The following ARL10 variants were observed in gnomAD, a reference collection of about 807,000 sequenced individuals.
ARL10 encodes ARF like GTPase 10.
ARL10 carries 23 observed loss-of-function variants against 26.1 expected under a neutral mutation model. The ratio of observed to expected loss-of-function variants is 0.88; its 90% confidence interval spans 0.63 to 1.25. The LOEUF (loss-of-function observed/expected upper bound fraction) is 1.25. ARL10 is among the 50% of genes most tolerant of loss of function. ARL10 has a pLI of 0.00. For missense variants in ARL10, 300 were observed against 323.6 expected (o/e 0.93, Z 0.56); for synonymous variants, 138 against 149.1 (o/e 0.93, Z 0.54).
downstream of ARL10, among the ~76,000 whole-genome samples, chr5:176,403,730 G>C (rs1376452441): frequency 6.6e-6 from 1 of 151,232 alleles, no homozygotes; most frequent in Non-Finnish European, 1.5e-5. Flanking sequence ...GGGATTACAG[G>C]CGTGAGCCAC....
At chr5:176,402,076 G>A (rs1756849291), downstream of ARL10, among the ~76,000 whole-genome samples, 1 of 152,192 alleles carries the variant, frequency 6.6e-6, no homozygotes, top group Admixed American at 6.5e-5. Flanking sequence ...GCTGAGGCAG[G>A]CAGATTGCCT....
At chr5:176,399,813 G>A (rs1278119183) in intron 1 of ARL10, among the ~76,000 whole-genome samples, 3 of 151,498 alleles carry the variant, frequency 2.0e-5, no homozygotes, top group Non-Finnish European at 4.4e-5. Flanking sequence ...GGGAGGCGAA[G>A]ATTGCAGTGA....
chr5:176,366,457 C>T lies in ARL10; in HGVS notation c.261C>T (p.Gly87=), dbSNP rs765036288. The T allele has an allele frequency of 6.2e-7, 1 of 1,613,630 alleles. No homozygotes were observed. The highest frequency in any genetic ancestry group is 8.5e-7 in the Non-Finnish European group (1 of 1,179,986). The stretch of plus-strand genomic sequence containing the variant: ...AGGTGCTGGTGCTGGGGCTGGATGG[C>T]GCAGGCAAGAGCACGTTCCTGCGCG... ...QREVLVLGLD[G]AGKSTFLRVL... Residue 87 remains glycine, a synonymous_variant, in exon 2 of 4, where the codon GGC becomes GGT. Coordinates refer to ENST00000310389, the MANE Select transcript of ARL10 (RefSeq NM_173664.6).
chr5:176,386,349 C>A (rs189349048), downstream of ARL10: 56 of 195,070 alleles, frequency 2.9e-4, no homozygotes, highest in East Asian at 6.3e-3. Flanking sequence ...TTTAGGGGAG[C>A]TGCTTAAACT....
downstream of ARL10, among the ~76,000 whole-genome samples, chr5:176,391,613 G>GAA (rs1279348132): frequency 6.6e-6 from 1 of 151,830 alleles, no homozygotes; most frequent in Non-Finnish European, 1.5e-5. Flanking sequence ...CCCTGTTTGA[G>GAA]AAAAAAAACA....
chr5:176,368,502 G>A lies in ARL10; in HGVS notation c.386-305G>A, dbSNP rs866387178. Among the ~76,000 whole-genome samples, 1 of 152,082 alleles carries A rather than the reference G, an allele frequency of 6.6e-6. No homozygotes were observed. The highest frequency in any genetic ancestry group is 2.4e-5 in the African/African-American group (1 of 41,408). On this transcript the variant is annotated intron_variant, in intron 2 of 3. Coordinates refer to ENST00000310389, the MANE Select transcript of ARL10 (RefSeq NM_173664.6). The surrounding 1 kb of genome is among the most constrained non-coding windows in gnomAD (Gnocchi z 4.1). The stretch of plus-strand genomic sequence containing the variant: ...CCTGTGGGTTTTACTGCAACAACCC[G>A]TTAGGAAAGTTCAGTGAGGAGACTG...
In ARL10 at chr5:176,371,969, G is replaced by GC; in HGVS notation, c.*76dup. ...TGCTGCTGCTTCATTGCCAGACTGG[G>GC]CCTGGGGCAAGAGCCACATGGCAGC... On this transcript the variant is annotated 3_prime_UTR_variant, in exon 4 of 4. Coordinates refer to ENST00000310389, the MANE Select transcript of ARL10 (RefSeq NM_173664.6). 1 of 1,541,638 alleles carries GC rather than the reference G, an allele frequency of 6.5e-7. No homozygotes were observed. Among genetic ancestry groups the GC allele is most frequent in the Non-Finnish European group, 8.8e-7 (1 of 1,142,758 alleles).
At chr5:176,391,337 G>A (rs190523542), downstream of ARL10, among the ~76,000 whole-genome samples, 365 of 152,310 alleles carry the variant, frequency 2.4e-3, 4 homozygotes, top group Non-Finnish European at 1.9e-3. Flanking sequence ...CCTTAGGCTG[G>A]GTGCTATGGT....
At chr5:176,384,096 G>A, downstream of ARL10, 1 of 1,604,708 alleles carries the variant, frequency 6.2e-7, no homozygotes, top group South Asian at 1.1e-5. Context: ...GTGCACGTGT[G>A]TGTGTAACCT....
chr5:176,365,526 G>T lies in ARL10; in HGVS notation c.-38G>T. ...CATCTTCGGCGGGCGAGTGGGCTCG[G>T]CCTGTGCAACCCGCACCTGCGTCCC... is the stretch of plus-strand genomic sequence containing the variant. On this transcript the variant is annotated 5_prime_UTR_variant, in exon 1 of 4. Transcript: ENST00000310389. 8.2e-7 allele frequency: 1 copy of T among 1,218,308 alleles called. No homozygotes were observed. The highest frequency in any genetic ancestry group is 1.0e-6 in the Non-Finnish European group (1 of 979,172). The allele number at this position is 1,218,308 out of a possible 1,614,324, so 75.5% of individuals were successfully genotyped here.
chr5:176,414,006 C>T, the ARL10 span, among the ~76,000 whole-genome samples: 1 of 152,218 alleles, frequency 6.6e-6, no homozygotes, highest in Non-Finnish European at 1.5e-5. Flanking sequence ...ACTTGCCATC[C>T]AGACTGTAAG....
downstream of ARL10, among the ~76,000 whole-genome samples, chr5:176,404,977 C>T (rs1010919010): frequency 1.3e-5 from 2 of 152,186 alleles, no homozygotes; most frequent in African/African-American, 2.4e-5. Context: ...CTACACAACT[C>T]GAGCGAGCTG....
chr5:176,407,062 A>T, the ARL10 span, among the ~76,000 whole-genome samples: 1 of 152,180 alleles, frequency 6.6e-6, no homozygotes, highest in Non-Finnish European at 1.5e-5. Flanking sequence ...ACCTGCTGTG[A>T]TTCTTAGTAA....
the ARL10 span, among the ~76,000 whole-genome samples, chr5:176,414,810 A>C: frequency 6.6e-6 from 1 of 152,142 alleles, no homozygotes; most frequent in East Asian, 1.9e-4. Context: ...TACATTTCTC[A>C]TATCAAGGAG....
At chr5:176,394,899 C>T (rs1306717744) in intron 1 of ARL10, among the ~76,000 whole-genome samples, 1 of 152,164 alleles carries the variant, frequency 6.6e-6, no homozygotes, top group African/African-American at 2.4e-5. Context: ...TTTCCTCAGG[C>T]TCAACAGAAG....
the ARL10 span, among the ~76,000 whole-genome samples, chr5:176,409,357 A>G: frequency 1.4e-5 from 2 of 147,390 alleles, no homozygotes; most frequent in East Asian, 4.0e-4. Context: ...TTTTCCACTT[A>G]ATATATTGTG....
Position 176,371,909 on chromosome 5 carries a change from T to C in ARL10, c.*14T>C. ...CTCCTCTCCTAGGCTGGAGCTCTCC[T>C]GCTTGCCACCTGCCTGTCAAGACCA... On this transcript the variant is annotated 3_prime_UTR_variant, in exon 4 of 4. Transcript: ENST00000310389. The C allele has an allele frequency of 6.2e-7, 1 of 1,612,338 alleles. No homozygotes were observed. The highest frequency in any genetic ancestry group is 1.1e-5 in the South Asian group (1 of 90,880).
chr5:176,389,443 G>A (rs1241136151), downstream of ARL10: 1 of 1,614,036 alleles, frequency 6.2e-7, no homozygotes, highest in Non-Finnish European at 8.5e-7. Context: ...AGGGTTTCAC[G>A]GTCGCAGCCA....
chr5:176,382,539 C>A (rs1467404685), downstream of ARL10, among the ~76,000 whole-genome samples: 2 of 152,198 alleles, frequency 1.3e-5, no homozygotes, highest in Admixed American at 1.3e-4. Flanking sequence ...TCACCTGGCA[C>A]TGGGGGCCTT....
Sources: gnomAD v4.1 joint callset for allele counts (sites outside exome capture counted in the v4.1 genomes callset) on GRCh38, gnomAD v4.1.1 for gene constraint, Gnocchi (gnomAD v3.1) non-coding constraint, MANE v1.5 for transcripts, NCBI Gene and HGNC (gene_info 2026-07-23, HGNC 2026-07-21) for gene names.